The following SS18L2 variants were observed in gnomAD, a reference collection of about 807,000 sequenced individuals.
SS18L2 encodes the protein SS18 like 2.
Under a neutral mutation model 10.3 loss-of-function variants are expected in SS18L2, and 8 were observed. That is an observed-to-expected ratio of 0.78 (90% CI 0.46 to 1.41). The LOEUF is 1.41. Among genes scored for constraint, SS18L2 ranks in the 40% most tolerant of loss-of-function variants. The probability of loss-of-function intolerance (pLI) is 0.00; values close to 1 mark genes in which losing one functional copy is unlikely to be tolerated. For missense variants in SS18L2, 100 were observed against 96.2 expected (o/e 1.04, Z -0.17); for synonymous variants, 41 against 34.6 (o/e 1.19, Z -0.65).
At chr3:42,591,214 T>TTTTTTG in intron 1 of SS18L2, 1 of 593,376 alleles carries the variant, frequency 1.7e-6, no homozygotes, top group Admixed American at 3.0e-5. Context: ...TTTTTTTTTT[T>TTTTTTG]TTTGAGACGG....
At chr3:42,587,623 C>G (rs1704660466), upstream of SS18L2, 1 of 151,882 alleles carries the variant, frequency 6.6e-6, no homozygotes, top group South Asian at 2.1e-4. Context: ...GTAGTCCCAG[C>G]TACTGGGGAA....
At position 42,596,114 on chromosome 3, in the gene SS18L2, T is replaced by C. The variant is rs1705022043; in HGVS notation, c.*1605T>C. On this transcript the variant is annotated 3_prime_UTR_variant, in exon 3 of 3. Transcript: ENST00000011691. ...TTGGCTCACTGCAACCTCTACCTCC[T>C]GGGTTCAAGTGATTCTCCTGCCTCA... 6.6e-6 allele frequency among the ~76,000 whole-genome samples: 1 copy of C among 151,980 alleles called. No individual in the cohort carries two copies. The highest frequency in any genetic ancestry group is 2.4e-5 in the African/African-American group (1 of 41,406).
upstream of SS18L2, among the ~76,000 whole-genome samples, chr3:42,588,512 T>G (rs552488736): frequency 6.6e-6 from 1 of 152,358 alleles, no homozygotes; most frequent in African/African-American, 2.4e-5. Context: ...GGTAAGATAC[T>G]TAATACCCAG....
At chr3:42,594,154 A>C (rs565239433) in intron 2 of SS18L2, among the ~76,000 whole-genome samples, 7 of 152,350 alleles carry the variant, frequency 4.6e-5, no homozygotes, top group Admixed American at 4.6e-4. Flanking sequence ...TGGAGAATAA[A>C]GTAGGTGCGC....
upstream of SS18L2, among the ~76,000 whole-genome samples, chr3:42,590,028 T>C (rs958552821): frequency 1.3e-5 from 2 of 152,224 alleles, no homozygotes; most frequent in Non-Finnish European, 2.9e-5. Flanking sequence ...CTAAGGAACC[T>C]TGGGCAAGTT....
At chr3:42,583,626 T>C (rs1704508099) in intron 1 of SS18L2, among the ~76,000 whole-genome samples, 1 of 152,200 alleles carries the variant, frequency 6.6e-6, no homozygotes, top group Admixed American at 6.5e-5. Context: ...ACATTACTTC[T>C]GGGTATGTCT....
At chr3:42,586,136 T>G (rs1220225275), upstream of SS18L2, among the ~76,000 whole-genome samples, 1 of 152,214 alleles carries the variant, frequency 6.6e-6, no homozygotes, top group East Asian at 1.9e-4. Flanking sequence ...TCACCTTTCA[T>G]TATTTCTCAG....
chr3:42,582,612 A>G (rs1577362412), intron 1 of SS18L2, among the ~76,000 whole-genome samples: 1 of 152,238 alleles, frequency 6.6e-6, no homozygotes, highest in African/African-American at 2.4e-5. Flanking sequence ...ACGAAAAACT[A>G]TGTTAAGAGA....
At chr3:42,589,960 G>A (rs1704760329), upstream of SS18L2, among the ~76,000 whole-genome samples, 1 of 152,194 alleles carries the variant, frequency 6.6e-6, no homozygotes, top group African/African-American at 2.4e-5. Flanking sequence ...GGGCAGTCCC[G>A]GGTTGTTAAG....
exon 1 of SS18L2, chr3:42,581,874 G>C (rs927560241): frequency 2.6e-5 from 4 of 152,154 alleles, no homozygotes; most frequent in African/African-American, 9.7e-5. Context: ...TTCGGAAGTC[G>C]GCGCCTGCCA....
chr3:42,588,838 C>A (rs1704710288), upstream of SS18L2, among the ~76,000 whole-genome samples: 1 of 152,074 alleles, frequency 6.6e-6, no homozygotes, highest in Admixed American at 6.6e-5. Flanking sequence ...TCTCTGAAAG[C>A]TTTGGGGAAT....
rs1368848813 is a variant in SS18L2 at position 42,591,575 on chromosome 3, C to T, written c.120C>T (p.Asn40=). ...TCCGCTGTATTGTGGAGTATCAGAA[C>T]AAGGGCCGCGGGAACGAGTGCGTGC... ...QLIRCIVEYQ[N]KGRGNECVQY... Residue 40 remains asparagine (N), a synonymous_variant, in exon 2 of 3, where the codon AAC becomes AAT. Transcript: ENST00000011691. The T allele has an allele frequency of 6.2e-7, 1 of 1,613,884 alleles. No individual in the cohort carries two copies. Among genetic ancestry groups the T allele is most frequent in the East Asian group, 2.2e-5 (1 of 44,890 alleles).
rs1187109491 is a variant in SS18L2 at position 42,594,543 on chromosome 3, G to A, written c.*34G>A. 1 of 1,568,066 alleles carries A rather than the reference G, an allele frequency of 6.4e-7. No individual in the cohort carries two copies. Among genetic ancestry groups the A allele is most frequent in the Non-Finnish European group, 8.8e-7 (1 of 1,139,524 alleles). On this transcript the variant is annotated 3_prime_UTR_variant, in exon 3 of 3. Coordinates refer to ENST00000011691, the MANE Select transcript of SS18L2 (RefSeq NM_001370300.1). ...AAGCAATAGAATAATCTTCCATTTG[G>A]CTGTCGTGAGGAGTAATTGAATGTA...
At chr3:42,589,900 C>T (rs1041287155), upstream of SS18L2, among the ~76,000 whole-genome samples, 2 of 152,194 alleles carry the variant, frequency 1.3e-5, no homozygotes, top group African/African-American at 4.8e-5. Flanking sequence ...AAGGTATGTC[C>T]AGCTTCCTCC....
intron 2 of SS18L2, among the ~76,000 whole-genome samples, chr3:42,592,053 AAGAC>A (rs1429301621): frequency 1.3e-5 from 2 of 152,202 alleles, no homozygotes; most frequent in Non-Finnish European, 2.9e-5. Context: ...CACACACACA[AAGAC>A]AAACAAAGGA....
upstream of SS18L2, among the ~76,000 whole-genome samples, chr3:42,586,501 G>A (rs1030866204): frequency 9.9e-5 from 15 of 151,812 alleles, no homozygotes; most frequent in East Asian, 3.9e-4. Context: ...GGCATTACAG[G>A]TGTGAGCCAC....
intron 1 of SS18L2, chr3:42,582,036 A>G (rs1026021808): frequency 6.6e-6 from 1 of 152,206 alleles, no homozygotes; most frequent in African/African-American, 2.4e-5. Context: ...GCTAAGCGAC[A>G]CCCGCACCCA....
chr3:42,591,581 C>T lies in SS18L2; in HGVS notation c.126C>T (p.Gly42=), dbSNP rs754400871. 1.9e-6 allele frequency: 3 copies of T among 1,613,724 alleles called. No homozygotes were observed. In the South Asian group the frequency reaches 3.3e-5, roughly 18 times the overall value. ...GTATTGTGGAGTATCAGAACAAGGGCCGCGGGAACGAGTGCGTGCAGTAAG... is the reference window on the plus strand; with the variant it reads ...GTATTGTGGAGTATCAGAACAAGGGTCGCGGGAACGAGTGCGTGCAGTAAG... ...IRCIVEYQNK[G]RGNECVQYQH... is the part of the protein sequence containing the mutation. The change falls in exon 2 of 3, where the codon GGC becomes GGT. Residue 42 remains glycine (G), a synonymous_variant. Coordinates refer to ENST00000011691, the MANE Select transcript of SS18L2 (RefSeq NM_001370300.1).
chr3:42,593,564 C>T (rs1167881164), intron 2 of SS18L2, among the ~76,000 whole-genome samples: 1 of 152,076 alleles, frequency 6.6e-6, no homozygotes, highest in African/African-American at 2.4e-5. Context: ...GGAACCAATC[C>T]TCTGTGGATA....
Sources: gnomAD v4.1 joint callset for allele counts (sites outside exome capture counted in the v4.1 genomes callset) on GRCh38, gnomAD v4.1.1 for gene constraint, MANE v1.5 for transcripts, NCBI Gene and HGNC (gene_info 2026-07-23, HGNC 2026-07-21) for gene names.